FKBP10: variants seen among roughly 807,000 people sequenced by gnomAD.
FKBP10 encodes FKBP prolyl isomerase 10.
In FKBP10, 34 loss-of-function variants were observed where a neutral mutation model predicts 53.7. That is an observed-to-expected ratio of 0.63 (90% confidence interval 0.48 to 0.84). FKBP10 has a LOEUF of 0.84. Among genes scored for constraint, FKBP10 ranks in the 40% least tolerant of loss-of-function variants. FKBP10 has a pLI of 0.00. For missense variants in FKBP10, 748 were observed against 797.8 expected, an observed-to-expected ratio of 0.94 and a Z score of 0.75; for synonymous variants, 324 against 335.7, an observed-to-expected ratio of 0.97 and a Z score of 0.38.
chr17:41,813,052 C>T lies in FKBP10; in HGVS notation c.18C>T (p.Pro6=), dbSNP rs1555615648. The change falls in exon 1 of 10, where the codon CCC becomes CCT. Residue 6 remains proline (P), a synonymous_variant. Transcript: ENST00000321562. MFPAG[P]PSHSLLRLPL... The stretch of plus-strand genomic sequence containing the variant: ...CAGGCACCATGTTCCCCGCGGGCCC[C>T]CCCAGCCACAGCCTCCTCCGGCTCC... 1.2e-6 allele frequency: 2 copies of T among 1,610,230 alleles called. No individual in the cohort carries two copies. The highest frequency in any genetic ancestry group is 2.2e-5 in the South Asian group (2 of 90,988).
chr17:41,821,940 TC>T, intron 9 of FKBP10, 123 bp downstream of exon 9: 1 of 1,220,978 alleles, frequency 8.2e-7, no homozygotes, highest in Non-Finnish European at 1.2e-6. Context: ...CTGCGCTGAG[TC>T]CCACGCCTCA....
At position 41,817,285 on chromosome 17, in the gene FKBP10, G is replaced by A. The variant is rs552704842; in HGVS notation, c.391+82G>A. ...GATCCTGGGGTGAGAAAACTGAAGT[G>A]CGGAGATGAGGAGTGACTTGCCCAA... On this transcript the variant is annotated intron_variant, in intron 2 of 9. Transcript: ENST00000321562. 3.2e-6 allele frequency: 5 copies of A among 1,565,224 alleles called. No individual in the cohort carries two copies. The African/African-American group carries it at 5.4e-5, about 17-fold the overall frequency.
At position 41,820,961 on chromosome 17, in the gene FKBP10, C is replaced by A; in HGVS notation, c.1271C>A (p.Ala424Asp). 1.9e-6 allele frequency: 3 copies of A among 1,611,810 alleles called. No individual in the cohort carries two copies. The highest frequency in any genetic ancestry group is 8.5e-7 in the Non-Finnish European group (1 of 1,179,328). ...CTCTCCCCCAGGCATGACTACGGGG[C>A]CCCCCAGGAGGCGACTCTCGGGGCC... Reference protein sequence around the residue: ...TQLFTSHDYGAPQEATLGANK... With the variant: ...TQLFTSHDYGDPQEATLGANK... Residue 424 changes from alanine (A) to aspartate (D), a missense_variant, in exon 8 of 10, where the codon GCC becomes GAC. Coordinates refer to ENST00000321562, the MANE Select transcript of FKBP10 (RefSeq NM_021939.4).
chr17:41,820,364 C>G lies in FKBP10; in HGVS notation c.1159C>G (p.Arg387Gly). Residue 387 changes from arginine (R) to glycine (G), a missense_variant, in exon 7 of 10, where the codon CGG becomes GGG. Coordinates refer to ENST00000321562, the MANE Select transcript of FKBP10 (RefSeq NM_021939.4). ...ADVVEIRTLS[R>G]PSETCNETTK... ...TGTGGTGGAAATCAGGACACTGTCC[C>G]GGCCATCTGAGACCTGCAATGAGAC... The G allele has an allele frequency of 6.2e-7, 1 of 1,614,186 alleles. No homozygotes were observed. The highest frequency in any genetic ancestry group is 8.5e-7 in the Non-Finnish European group (1 of 1,180,024).
chr17:41,818,755 C>G (rs2047848822), intron 4 of FKBP10: 2 of 557,680 alleles, frequency 3.6e-6, no homozygotes, highest in Middle Eastern at 5.2e-4. Context: ...ATCACGAGGT[C>G]AGGAGATCGA....
chr17:41,819,686 TC>T lies in FKBP10; in HGVS notation c.1063+15del. ...GGGAGAATGGAACTGGTAGGGGCGT[TC>T]CCCAGCCACCACCTCAGCTCCTCCT... On this transcript the variant is annotated intron_variant, in intron 6 of 9. Coordinates refer to ENST00000321562, the MANE Select transcript of FKBP10 (RefSeq NM_021939.4). The T allele has an allele frequency of 1.3e-6, 2 of 1,589,524 alleles. No individual in the cohort carries two copies. Among genetic ancestry groups the T allele is most frequent in the Admixed American group, 1.7e-5 (1 of 57,224 alleles).
At chr17:41,819,757 T>C (rs1355853357) in intron 6 of FKBP10, 82 bp downstream of exon 6, 38 of 1,550,556 alleles carry the variant, frequency 2.5e-5, no homozygotes, top group Non-Finnish European at 3.3e-5. Flanking sequence ...CACAGTGGGA[T>C]TCCAGGCACC....
At chr17:41,819,791 A>G (rs938113089) in intron 6 of FKBP10, 116 bp downstream of exon 6, 1 of 1,542,024 alleles carries the variant, frequency 6.5e-7, no homozygotes, top group Non-Finnish European at 8.8e-7. Context: ...CATCACAAAA[A>G]CATGCATGCA....
At chr17:41,816,271 G>GC (rs1567853572) in intron 1 of FKBP10, among the ~76,000 whole-genome samples, 2 of 103,220 alleles carry the variant, frequency 1.9e-5, no homozygotes, top group East Asian at 3.5e-4. Flanking sequence ...TCACTCTGTC[G>GC]CCAGGCTGGA....
At chr17:41,816,940 T>C (rs1445100914) in intron 1 of FKBP10, 118 bp from the exon 2 acceptor site, 21 of 1,450,318 alleles carry the variant, frequency 1.4e-5, no homozygotes, top group Non-Finnish European at 2.0e-5. Context: ...TATCCACACC[T>C]GGCTATAGGG....
Position 41,820,962 on chromosome 17 carries a change from C to A in FKBP10, c.1272C>A (p.Ala424=). ...TQLFTSHDYG[A]PQEATLGANK... is the part of the protein sequence containing the mutation. ...TCTCCCCCAGGCATGACTACGGGGC[C>A]CCCCAGGAGGCGACTCTCGGGGCCA... The change falls in exon 8 of 10, where the codon GCC becomes GCA. Residue 424 remains alanine, a synonymous_variant. Transcript: ENST00000321562. The A allele has an allele frequency of 5.0e-6, 8 of 1,612,158 alleles. No individual in the cohort carries two copies. The highest frequency in any genetic ancestry group is 6.8e-6 in the Non-Finnish European group (8 of 1,179,508).
intron 1 of FKBP10, 99 bp from the exon 2 acceptor site, chr17:41,816,959 T>A: frequency 6.9e-7 from 1 of 1,447,442 alleles, no homozygotes; most frequent in Non-Finnish European, 9.6e-7. Flanking sequence ...GGAGGGGGGA[T>A]TGTGTGCGTG....
In FKBP10 at chr17:41,818,504, T is replaced by C. The variant is rs782317413; in HGVS notation, c.704T>C (p.Leu235Pro). 2 of 1,614,126 alleles carry C rather than the reference T, an allele frequency of 1.2e-6. No individual in the cohort carries two copies. Among genetic ancestry groups the C allele is most frequent in the South Asian group, 1.1e-5 (1 of 91,080 alleles). Reference protein sequence around the residue: ...ERRKIIIPPFLAYGEKGYGTV... With the variant: ...ERRKIIIPPFPAYGEKGYGTV... ...AGGAAGATTATCATCCCTCCATTCC[T>C]GGCCTATGGCGAGAAAGGCTATGGT... is the stretch of plus-strand genomic sequence containing the variant. Residue 235 changes from leucine (L) to proline (P), a missense_variant, in exon 4 of 10, where the codon CTG becomes CCG. By Grantham distance (98) the Leu-to-Pro change is moderately conservative (BLOSUM62 -3). Transcript: ENST00000321562.
At chr17:41,817,464 T>C (rs528578946) in intron 2 of FKBP10, among the ~76,000 whole-genome samples, 2 of 151,888 alleles carry the variant, frequency 1.3e-5, no homozygotes, top group South Asian at 4.2e-4. Context: ...ACCTCGTCTC[T>C]ACAAAAAATA....
Position 41,818,289 on chromosome 17 carries a change from G to A in FKBP10, c.581+11G>A, listed in dbSNP as rs1555616396. 6.2e-7 allele frequency: 1 copy of A among 1,613,942 alleles called. No individual in the cohort carries two copies. On this transcript the variant is annotated intron_variant, in intron 3 of 9. Transcript: ENST00000321562. Reference sequence around the variant, plus strand: ...CTCCTTCGACACCAGGTGAGGGGCTGGAGGGGAGCCCTGAGGCACTGGGGA... The same window carrying A: ...CTCCTTCGACACCAGGTGAGGGGCTAGAGGGGAGCCCTGAGGCACTGGGGA...
chr17:41,821,177 C>T (rs1192541546), intron 8 of FKBP10, 88 bp downstream of exon 8: 6 of 1,420,008 alleles, frequency 4.2e-6, no homozygotes, highest in African/African-American at 1.7e-5. Context: ...GGCTGGAGTG[C>T]AGTGGTGTGC....
rs2047907871 is a variant in FKBP10, at chr17:41,822,694, A to G, written c.*286A>G. On this transcript the variant is annotated 3_prime_UTR_variant, in exon 10 of 10. Coordinates refer to ENST00000321562, the MANE Select transcript of FKBP10 (RefSeq NM_021939.4). ...GTGGAGCCTGGGGTTGGATAGGGCC[A>G]TGGCTGGTCCCCCACCATACCTCCC... 2 of 494,652 alleles carry G rather than the reference A, an allele frequency of 4.0e-6. No homozygotes were observed. Among genetic ancestry groups the G allele is most frequent in the South Asian group, 2.0e-5 (1 of 48,924 alleles). 30.6% of individuals were successfully genotyped at this position (494,652 alleles called of 1,614,324 possible). A position where few individuals can be genotyped will look rare whatever the true frequency, so the allele number is the denominator to read the frequency against.
rs781980189 is a variant in FKBP10 at position 41,822,448 on chromosome 17, A to G, written c.*40A>G. The G allele has an allele frequency of 2.6e-6, 4 of 1,566,264 alleles. No individual in the cohort carries two copies. In the Middle Eastern group the frequency reaches 5.0e-4, roughly 195 times the overall value. ...GGCCAGGCCTGAGACACAGAGGCCC[A>G]CTGCGAGGGGGACAGTGGCGGTGGG... On this transcript the variant is annotated 3_prime_UTR_variant, in exon 10 of 10. Transcript: ENST00000321562.
At chr17:41,814,053 C>T (rs1318417866) in intron 1 of FKBP10, among the ~76,000 whole-genome samples, 1 of 152,206 alleles carries the variant, frequency 6.6e-6, no homozygotes, top group African/African-American at 2.4e-5. Context: ...CTTTGGTCTG[C>T]CCCAGCAAGT....
Sources: allele counts gnomAD v4.1 joint callset (sites outside exome capture counted in the v4.1 genomes callset), GRCh38; gene constraint gnomAD v4.1.1; transcripts MANE v1.5; gene names NCBI Gene and HGNC (gene_info 2026-07-23, HGNC 2026-07-21).